Variants in ZNF483 observed in about 807,000 individuals in gnomAD.
ZNF483 encodes zinc finger protein 483, also known as zinc finger protein HIT-10.
In ZNF483, 9 loss-of-function variants were observed where a neutral mutation model predicts 28.6. The ratio of observed to expected loss-of-function variants is 0.32; its 90% confidence interval spans 0.19 to 0.55. ZNF483 has a LOEUF of 0.55. Ranked by LOEUF, ZNF483 falls within the 20% of genes least tolerant of loss-of-function variation. The probability of loss-of-function intolerance (pLI) is 0.93; values close to 1 mark genes in which losing one functional copy is unlikely to be tolerated. For synonymous variants in ZNF483, 322 were observed against 306.2 expected, an observed-to-expected ratio of 1.05 and a Z score of -0.54; for missense variants, 675 against 871.7, an observed-to-expected ratio of 0.77 and a Z score of 2.84.
chr9:111,561,850 AT>A (rs1484017008), intron 5 of ZNF483, among the ~76,000 whole-genome samples: 1 of 152,038 alleles, frequency 6.6e-6, no homozygotes, highest in Non-Finnish European at 1.5e-5. Context: ...TACCTAATAT[AT>A]GCCAGGCATT....
chr9:111,542,004 A>G lies in ZNF483; in HGVS notation c.1069A>G (p.Lys357Glu), dbSNP rs749229195. 8 of 1,614,056 alleles carry G rather than the reference A, an allele frequency of 5.0e-6. No homozygotes were observed. The highest frequency in any genetic ancestry group is 6.8e-6 in the Non-Finnish European group (8 of 1,179,958). Reference protein sequence around the residue: ...LNRKEKTAGEKSRKSNDGGKV... With the variant: ...LNRKEKTAGEESRKSNDGGKV... The stretch of plus-strand genomic sequence containing the variant: ...CCGCAAGGAGAAAACCGCCGGAGAA[A>G]AGTCACGGAAATCTAATGATGGTGG... Residue 357 changes from lysine (K) to glutamate (E), a missense_variant, in exon 6 of 6, where the codon AAG becomes GAG. By Grantham distance (56) the Lys-to-Glu change is moderately conservative. This residue lies in a region of ZNF483 where 525 missense variants were observed against 581.8 expected (regional missense o/e 0.90). Transcript: ENST00000309235. The surrounding 1 kb of genome is among the most constrained non-coding windows in gnomAD (Gnocchi z 6.2).
intron 5 of ZNF483, among the ~76,000 whole-genome samples, chr9:111,560,636 C>CA (rs1015199330): frequency 0.057 from 1,445 of 25,446 alleles, 154 homozygotes; most frequent in African/African-American, 0.16. Flanking sequence ...GACACCATCT[C>CA]AAAAAAAAAA....
rs1348247701 is a variant in ZNF483 at position 111,552,376 on chromosome 9, G to A, written c.*9206G>A. On this transcript the variant is annotated 3_prime_UTR_variant, in exon 6 of 6. Transcript: ENST00000309235. Reference sequence around the variant, plus strand: ...ATTATAACACATGTATCCGTGACTCGTTTCTTGGAGTCTGCTTCAGAAAAT... The same window carrying A: ...ATTATAACACATGTATCCGTGACTCATTTCTTGGAGTCTGCTTCAGAAAAT... Among the ~76,000 whole-genome samples, 1 of 151,976 alleles carries A rather than the reference G, an allele frequency of 6.6e-6. No homozygotes were observed. The highest frequency in any genetic ancestry group is 6.6e-5 in the Admixed American group (1 of 15,254).
chr9:111,577,104 T>A (rs1011243648), exon 6 of ZNF483: 6 of 150,348 alleles, frequency 4.0e-5, no homozygotes, highest in Admixed American at 3.3e-4. Context: ...AAAAAAAAAA[T>A]CTTACAACCT....
Position 111,530,923 on chromosome 9 carries a change from A to T in ZNF483, c.461A>T (p.Glu154Val). 1 of 1,557,304 alleles carries T rather than the reference A, an allele frequency of 6.4e-7. No homozygotes were observed. Among genetic ancestry groups the T allele is most frequent in the Non-Finnish European group, 8.7e-7 (1 of 1,142,920 alleles). ...GTTTCCCAAGAGGAGAACTCAAAAG[A>T]GGATAAAATGGTCACTGTTTGTCCC... ...STVSQEENSK[E>V]DKMVTVCPNT... The change falls in exon 3 of 6, where the codon GAG (glutamate) becomes GTG (valine). Residue 154 changes from glutamate (E) to valine (V), a missense_variant. By Grantham distance (121) the Glu-to-Val change is moderately radical (BLOSUM62 -2). Coordinates refer to ENST00000309235, the MANE Select transcript of ZNF483 (RefSeq NM_133464.5).
intron 5 of ZNF483, among the ~76,000 whole-genome samples, chr9:111,536,493 C>A (rs1172636749): frequency 6.6e-6 from 1 of 152,144 alleles, no homozygotes; most frequent in Admixed American, 6.5e-5. Context: ...CCACAGCACT[C>A]CAGCCTGGGC....
At position 111,548,521 on chromosome 9, in the gene ZNF483, G is replaced by T. The variant is rs557373195; in HGVS notation, c.*5351G>T. Among the ~76,000 whole-genome samples the T allele has an allele frequency of 8.5e-5, 13 of 152,168 alleles. No homozygotes were observed. The highest frequency in any genetic ancestry group is 3.1e-4 in the African/African-American group (13 of 41,526). On this transcript the variant is annotated 3_prime_UTR_variant, in exon 6 of 6. Coordinates refer to ENST00000309235, the MANE Select transcript of ZNF483 (RefSeq NM_133464.5). ...TAATAGTTTCTTGTGAAATTTTTGGGATTTTTAAATATAAGATTATGGCAT... is the reference window on the plus strand; with the variant it reads ...TAATAGTTTCTTGTGAAATTTTTGGTATTTTTAAATATAAGATTATGGCAT...
At position 111,542,858 on chromosome 9, in the gene ZNF483, G is replaced by C; in HGVS notation, c.1923G>C (p.Glu641Asp). 6.2e-7 allele frequency: 1 copy of C among 1,614,112 alleles called. No individual in the cohort carries two copies. Among genetic ancestry groups the C allele is most frequent in the Non-Finnish European group, 8.5e-7 (1 of 1,180,022 alleles). ...GEKPYKCNQC[E>D]KAFPTHSLLS... The stretch of plus-strand genomic sequence containing the variant: ...AACCCTACAAATGTAACCAGTGTGA[G>C]AAAGCCTTCCCAACCCATTCACTGC... Residue 641 changes from glutamate to aspartate, a missense_variant, in exon 6 of 6, where the codon GAG becomes GAC. Around this residue, in one of 6 missense-constraint regions of ZNF483, gnomAD observed 47 missense variants for 93.5 expected, o/e 0.50. Coordinates refer to ENST00000309235, the MANE Select transcript of ZNF483 (RefSeq NM_133464.5). The surrounding 1 kb of genome is among the most constrained non-coding windows in gnomAD (Gnocchi z 6.2).
At chr9:111,538,684 T>C (rs1384316724) in intron 5 of ZNF483, among the ~76,000 whole-genome samples, 1 of 152,122 alleles carries the variant, frequency 6.6e-6, no homozygotes, top group East Asian at 1.9e-4. Context: ...TAAATATATG[T>C]CCCTTCCCCA....
At position 111,566,157 on chromosome 9, in the gene ZNF483, C is replaced by T. The variant is rs568862317; in HGVS notation, c.722-10208C>T. 3.9e-5 allele frequency among the ~76,000 whole-genome samples: 6 copies of T among 152,148 alleles called. No homozygotes were observed. The South Asian group carries it at 6.2e-4, about 16-fold the overall frequency. ...AGTAGAGGTTGCAGTGAGCTGAGAT[C>T]GCGCCACTGCACTCCAGCCTGGACG... On this transcript the variant is annotated intron_variant, in intron 5 of 5. Coordinates refer to the ZNF483 transcript ENST00000358151.
In ZNF483 at chr9:111,550,543, TC is replaced by T. The variant is rs1243918977; in HGVS notation, c.*7377del. Among the ~76,000 whole-genome samples, 2 of 152,098 alleles carry T rather than the reference TC, an allele frequency of 1.3e-5. No homozygotes were observed. The highest frequency in any genetic ancestry group is 6.6e-5 in the Admixed American group (1 of 15,254). Reference sequence around the variant, plus strand: ...TAACTGCAATTTACCACTCAGAATTTCCCCTAGAAGCTACAAGTGTTCAGAT... The same window carrying T: ...TAACTGCAATTTACCACTCAGAATTTCCCTAGAAGCTACAAGTGTTCAGAT... On this transcript the variant is annotated 3_prime_UTR_variant, in exon 6 of 6. Transcript: ENST00000309235.
intron 2 of ZNF483, among the ~76,000 whole-genome samples, chr9:111,528,292 G>A (rs1827230868): frequency 6.6e-6 from 1 of 152,162 alleles, no homozygotes; most frequent in Admixed American, 6.5e-5. Context: ...AGCAGCTAGT[G>A]CAAATAAGGA....
At chr9:111,529,826 C>T (rs1215874876) in intron 2 of ZNF483, among the ~76,000 whole-genome samples, 1 of 152,092 alleles carries the variant, frequency 6.6e-6, no homozygotes, top group Non-Finnish European at 1.5e-5. Flanking sequence ...ACCTTTTTAT[C>T]CAGAGAGGCT....
intron 5 of ZNF483, chr9:111,564,295 A>G: frequency 1.6e-6 from 1 of 610,268 alleles, no homozygotes; most frequent in Admixed American, 5.9e-5. Context: ...TATTATTATT[A>G]TTATTATTAT....
At chr9:111,562,798 T>C in intron 5 of ZNF483, 1 of 348,350 alleles carries the variant, frequency 2.9e-6, no homozygotes. Flanking sequence ...CCTCCCTATG[T>C]CCATGTGTTC....
intron 5 of ZNF483, chr9:111,539,636 G>T (rs750215861): frequency 1.3e-4 from 38 of 291,820 alleles, no homozygotes; most frequent in Middle Eastern, 1.3e-3. Flanking sequence ...GGTGGTACAT[G>T]CCTGTAATCC....
At position 111,542,607 on chromosome 9, in the gene ZNF483, A is replaced by G; in HGVS notation, c.1672A>G (p.Lys558Glu). 1 of 1,614,092 alleles carries G rather than the reference A, an allele frequency of 6.2e-7. No individual in the cohort carries two copies. The highest frequency in any genetic ancestry group is 8.5e-7 in the Non-Finnish European group (1 of 1,180,004). Residue 558 changes from lysine to glutamate, a missense_variant, in exon 6 of 6, where the codon AAA (lysine) becomes GAA (glutamate). Physicochemically the swap from Lys to Glu is moderately conservative, Grantham distance 56 (BLOSUM62 1). This residue lies in a region of ZNF483 where 41 missense variants were observed against 69.0 expected (regional missense o/e 0.59). Transcript: ENST00000309235. This position sits in a 1 kb window ranked among gnomAD's most constrained non-coding sequence, Gnocchi z 6.2. Reference protein sequence around the residue: ...EKPYTCSNCGKSFSHSSSLSK... With the variant: ...EKPYTCSNCGESFSHSSSLSK... ...ACCCTATACATGTAGCAATTGTGGA[A>G]AATCCTTCAGTCATAGCTCATCCCT...
chr9:111,576,465 A>C (rs755455765), exon 6 of ZNF483: 68 of 1,612,680 alleles, frequency 4.2e-5, no homozygotes, highest in Non-Finnish European at 5.7e-5. Flanking sequence ...TGACCAGAGG[A>C]TGGGGCCACT....
chr9:111,545,074 G>C lies in ZNF483; in HGVS notation c.*1904G>C, dbSNP rs1827775368. Among the ~76,000 whole-genome samples the C allele has an allele frequency of 6.6e-6, 1 of 152,120 alleles. No individual in the cohort carries two copies. The highest frequency in any genetic ancestry group is 6.6e-5 in the Admixed American group (1 of 15,266). ...ATGCTACCTCTGGGAGAAGGTTTTT[G>C]GTGCCTCCCCAACCCCAAGCCTGCA... On this transcript the variant is annotated 3_prime_UTR_variant, in exon 6 of 6. Coordinates refer to ENST00000309235, the MANE Select transcript of ZNF483 (RefSeq NM_133464.5).
Sources: allele counts gnomAD v4.1 joint callset (sites outside exome capture counted in the v4.1 genomes callset), GRCh38; gene constraint gnomAD v4.1.1; regional missense constraint gnomAD v4.1.1; non-coding constraint Gnocchi (gnomAD v3.1); transcripts MANE v1.5; gene names NCBI Gene and HGNC (gene_info 2026-07-23, HGNC 2026-07-21).